ITGA9: variants seen among roughly 807,000 people sequenced by gnomAD.
ITGA9 encodes the protein integrin subunit alpha 9.
Under a neutral mutation model 127.8 loss-of-function variants are expected in ITGA9, and 56 were observed. The observed-to-expected ratio is 0.44, with a 90% confidence interval of 0.35 to 0.55. The LOEUF (loss-of-function observed/expected upper bound fraction) is 0.55. Ranked by LOEUF, ITGA9 falls within the 20% of genes least tolerant of loss-of-function variation. The pLI is 0.00. For missense variants in ITGA9, 1,196 were observed against 1,347.1 expected (o/e 0.89, Z 1.76); for synonymous variants, 508 against 514.5 (o/e 0.99, Z 0.17).
intron 12 of ITGA9, among the ~76,000 whole-genome samples, chr3:37,525,497 A>T (rs189619215): frequency 2.6e-5 from 4 of 152,274 alleles, no homozygotes; most frequent in Admixed American, 1.3e-4. Flanking sequence ...GAGGGTGACA[A>T]TTCCATGTTC....
intron 16 of ITGA9, among the ~76,000 whole-genome samples, chr3:37,637,543 AG>A (rs1245576096): frequency 6.6e-6 from 1 of 152,198 alleles, no homozygotes; most frequent in Non-Finnish European, 1.5e-5. Flanking sequence ...GCTGAGACGA[AG>A]GGGTTTTCTA....
intron 17 of ITGA9, among the ~76,000 whole-genome samples, chr3:37,664,420 C>CT (rs35312679): frequency 0.16 from 18,001 of 114,876 alleles, 1,498 homozygotes; most frequent in East Asian, 0.24. Context: ...TCAGCACATT[C>CT]TTTTTTTTTT....
At chr3:37,488,064 G>A (rs1234635915) in intron 4 of ITGA9, among the ~76,000 whole-genome samples, 1 of 152,218 alleles carries the variant, frequency 6.6e-6, no homozygotes, top group African/African-American at 2.4e-5. Flanking sequence ...CTGCACAGCA[G>A]TTTGTCTGTC....
intron 15 of ITGA9, among the ~76,000 whole-genome samples, chr3:37,548,273 G>C (rs904095212): frequency 1.3e-5 from 2 of 152,158 alleles, no homozygotes; most frequent in African/African-American, 2.4e-5. Flanking sequence ...AAGCAGATTG[G>C]TGGTTTTCAG....
In ITGA9 at chr3:37,823,008, A is replaced by G. The variant is rs999979307; in HGVS notation, c.*4019A>G. ...ACACTTTTAGCTGATATTTTGATAT[A>G]TAGAATAATAATATACACAGTGGAG... On this transcript the variant is annotated 3_prime_UTR_variant, in exon 28 of 28. Transcript: ENST00000264741. 2.0e-5 allele frequency: 3 copies of G among 152,118 alleles called. No homozygotes were observed. Among genetic ancestry groups the G allele is most frequent in the Non-Finnish European group, 4.4e-5 (3 of 68,034 alleles). The allele number at this position is 152,118 out of a possible 1,614,324, so 9.4% of individuals were successfully genotyped here.
intron 15 of ITGA9, among the ~76,000 whole-genome samples, chr3:37,585,401 C>T (rs1699748544): frequency 6.6e-6 from 1 of 152,184 alleles, no homozygotes; most frequent in Non-Finnish European, 1.5e-5. Flanking sequence ...GGGAATCCCT[C>T]CCTCTTTCCC....
chr3:37,789,737 C>G (rs979261199), intron 26 of ITGA9, among the ~76,000 whole-genome samples: 4 of 128,792 alleles, frequency 3.1e-5, no homozygotes, highest in African/African-American at 1.2e-4. Flanking sequence ...CCACTGCACT[C>G]CAGCCTGGGT....
intron 17 of ITGA9, among the ~76,000 whole-genome samples, chr3:37,680,416 G>T (rs895041570): frequency 2.0e-5 from 3 of 152,166 alleles, no homozygotes; most frequent in Admixed American, 6.5e-5. Flanking sequence ...TTGCCTGGCT[G>T]CTTCCCTTAA....
rs891340124 is a variant in ITGA9 at position 37,806,284 on chromosome 3, GGT to G, written c.3009+2356_3009+2357del. On this transcript the variant is annotated intron_variant, in intron 27 of 27. Transcript: ENST00000264741. This position sits in a 1 kb window ranked among gnomAD's most constrained non-coding sequence, Gnocchi z 4.3. ...GGGCTTTGGTGCATGAGTGTGTGTG[GGT>G]GTGTGTGTGTGTGCGTGCGCGTGTG... 1.1e-4 allele frequency: 16 copies of G among 149,012 alleles called. No individual in the cohort carries two copies. Among genetic ancestry groups the G allele is most frequent in the Non-Finnish European group, 2.2e-4 (15 of 67,634 alleles). 9.2% of individuals were successfully genotyped at this position (149,012 alleles called of 1,614,324 possible).
intron 18 of ITGA9, among the ~76,000 whole-genome samples, chr3:37,707,617 C>G (rs752504870): frequency 6.6e-6 from 1 of 152,186 alleles, no homozygotes; most frequent in African/African-American, 2.4e-5. Flanking sequence ...ATCACCTGTG[C>G]ACATTCTGCT....
At chr3:37,562,732 T>G (rs1223859334) in intron 15 of ITGA9, among the ~76,000 whole-genome samples, 2 of 152,206 alleles carry the variant, frequency 1.3e-5, no homozygotes, top group Admixed American at 6.5e-5. Flanking sequence ...CTCCTGAATC[T>G]GACATTTGTT....
intron 4 of ITGA9, among the ~76,000 whole-genome samples, chr3:37,486,201 A>T (rs1180463919): frequency 6.6e-6 from 1 of 152,224 alleles, no homozygotes; most frequent in Non-Finnish European, 1.5e-5. Flanking sequence ...AAACCTGATG[A>T]GTGTGGAATA....
intron 1 of ITGA9, among the ~76,000 whole-genome samples, chr3:37,468,803 A>G (rs1698398265): frequency 6.6e-6 from 1 of 152,226 alleles, no homozygotes; most frequent in African/African-American, 2.4e-5. Context: ...CTATTTCATG[A>G]TACAGAAGAA....
At chr3:37,501,645 G>A (rs1252241576) in intron 5 of ITGA9, among the ~76,000 whole-genome samples, 1 of 152,214 alleles carries the variant, frequency 6.6e-6, no homozygotes, top group South Asian at 2.1e-4. Context: ...GATTGGTTTT[G>A]CTGATTCTAG....
chr3:37,811,528 T>C (rs72862229), intron 27 of ITGA9, among the ~76,000 whole-genome samples: 9,782 of 152,160 alleles, frequency 0.064, 649 homozygotes, highest in African/African-American at 0.16. Context: ...TATTTAGGGC[T>C]CCAAGCTCTT....
chr3:37,800,742 A>G (rs528906004), intron 26 of ITGA9, among the ~76,000 whole-genome samples: 2 of 152,368 alleles, frequency 1.3e-5, no homozygotes, highest in South Asian at 4.1e-4. Context: ...CAAGCTGGAA[A>G]TAATCTCCAT....
At chr3:37,804,076 T>G (rs576338737) in intron 27 of ITGA9, 134 bp downstream of exon 27, 2 of 1,356,758 alleles carry the variant, frequency 1.5e-6, no homozygotes, top group East Asian at 4.7e-5. Flanking sequence ...CAGTGACCCT[T>G]CAGGCAGGGA....
At chr3:37,532,363 C>T (rs536762340) in intron 13 of ITGA9, among the ~76,000 whole-genome samples, 20 of 152,338 alleles carry the variant, frequency 1.3e-4, no homozygotes, top group Middle Eastern at 6.8e-3. Flanking sequence ...CATTCCCATC[C>T]GCCCTATCAC....
intron 15 of ITGA9, among the ~76,000 whole-genome samples, chr3:37,625,106 A>G (rs1431961411): frequency 6.6e-6 from 1 of 152,080 alleles, no homozygotes; most frequent in Non-Finnish European, 1.5e-5. Flanking sequence ...TGCCCTCTCC[A>G]TGTGGCTATA....
Sources: gnomAD v4.1 joint callset for allele counts (sites outside exome capture counted in the v4.1 genomes callset) on GRCh38, gnomAD v4.1.1 for gene constraint, Gnocchi (gnomAD v3.1) non-coding constraint, MANE v1.5 for transcripts, NCBI Gene and HGNC (gene_info 2026-07-23, HGNC 2026-07-21) for gene names.